Variants in FAM227B observed in about 807,000 individuals in gnomAD.
FAM227B encodes the protein protein FAM227B.
In FAM227B, 88 loss-of-function variants were observed where a neutral mutation model predicts 73.8. The observed-to-expected ratio is 1.19, with a 90% CI of 1.00 to 1.42. The LOEUF (loss-of-function observed/expected upper bound fraction) is 1.42. FAM227B is among the 40% of genes most tolerant of loss of function. FAM227B has a pLI of 0.00. For synonymous variants in FAM227B, 210 were observed against 190.5 expected (o/e 1.10, Z -0.84); for missense variants, 632 against 590.9 (o/e 1.07, Z -0.72).
At chr15:49,589,400 G>C (rs1368097301) in intron 4 of FAM227B, among the ~76,000 whole-genome samples, 1 of 151,938 alleles carries the variant, frequency 6.6e-6, no homozygotes, top group Non-Finnish European at 1.5e-5. Context: ...CTGTTTTAAG[G>C]CTTTGTTTTA....
chr15:49,597,453 A>C (rs2076949107), intron 3 of FAM227B, among the ~76,000 whole-genome samples: 1 of 151,904 alleles, frequency 6.6e-6, no homozygotes, highest in Non-Finnish European at 1.5e-5. Context: ...CAAAACCTCT[A>C]AGGTACAGCA....
chr15:49,358,068 G>C (rs2151375695), intron 13 of FAM227B, among the ~76,000 whole-genome samples: 1 of 152,112 alleles, frequency 6.6e-6, no homozygotes, highest in Middle Eastern at 3.4e-3. Context: ...CAATAAATTA[G>C]GTATTGATGG....
intron 11 of FAM227B, among the ~76,000 whole-genome samples, chr15:49,415,581 T>C (rs1217736149): frequency 6.6e-6 from 1 of 152,172 alleles, no homozygotes; most frequent in African/African-American, 2.4e-5. Context: ...TAAAGTTGTA[T>C]CACAATTCAG....
In FAM227B at chr15:49,433,685, T is replaced by C. The variant is rs149840062; in HGVS notation, c.1013-62286A>G. On this transcript the variant is annotated intron_variant, in intron 11 of 15. Coordinates refer to ENST00000299338, the MANE Select transcript of FAM227B (RefSeq NM_152647.3). ...TGGTTTATTGTAGAGGCCAACTATATAAGCAGACACAGTTACCACTGGTGA... is the reference window on the plus strand; with the variant it reads ...TGGTTTATTGTAGAGGCCAACTATACAAGCAGACACAGTTACCACTGGTGA... Among the ~76,000 whole-genome samples, 808 of 151,748 alleles carry C rather than the reference T, an allele frequency of 5.3e-3. 9 individuals carry two copies. The highest frequency in any genetic ancestry group is 0.019 in the African/African-American group (769 of 41,470).
chr15:49,619,497 T>C (rs935693744), intron 1 of FAM227B, among the ~76,000 whole-genome samples: 1 of 152,194 alleles, frequency 6.6e-6, no homozygotes, highest in African/African-American at 2.4e-5. Context: ...ACCCCGGCCA[T>C]ATAGTTACAG....
At chr15:49,402,971 G>T (rs578086923) in intron 11 of FAM227B, among the ~76,000 whole-genome samples, 1 of 152,290 alleles carries the variant, frequency 6.6e-6, no homozygotes, top group South Asian at 2.1e-4. Context: ...AGTTTATTGA[G>T]AGTTTTTAAC....
At chr15:49,568,134 G>GCTTTCAAAAGT (rs1422875884) in intron 9 of FAM227B, 111 bp downstream of exon 9, 1 of 879,220 alleles carries the variant, frequency 1.1e-6, no homozygotes, top group Non-Finnish European at 1.7e-6. Context: ...CACCAACTTT[G>GCTTTCAAAAGT]CTTTCAAAAG....
chr15:49,334,156 T>C, intron 14 of FAM227B: 8 of 679,004 alleles, frequency 1.2e-5, no homozygotes, highest in Non-Finnish European at 1.5e-5. Flanking sequence ...TTTGTGGTTT[T>C]ATGTAACATC....
chr15:49,373,830 C>T (rs147430566), intron 11 of FAM227B, among the ~76,000 whole-genome samples: 7 of 151,916 alleles, frequency 4.6e-5, no homozygotes, highest in Admixed American at 3.3e-4. Flanking sequence ...AATATTAATA[C>T]AATAATTGAC....
intron 11 of FAM227B, among the ~76,000 whole-genome samples, chr15:49,442,369 G>A (rs1295160515): frequency 6.6e-6 from 1 of 151,568 alleles, no homozygotes; most frequent in Non-Finnish European, 1.5e-5. Context: ...GGCCATTTCA[G>A]TCCACCCCTG....
intron 11 of FAM227B, among the ~76,000 whole-genome samples, chr15:49,379,268 T>G (rs1431991742): frequency 6.6e-6 from 1 of 152,184 alleles, no homozygotes. Flanking sequence ...TAGTTTTCTT[T>G]TTTTGATGTG....
intron 9 of FAM227B, among the ~76,000 whole-genome samples, chr15:49,542,953 G>A (rs554894430): frequency 4.5e-4 from 69 of 152,054 alleles, no homozygotes; most frequent in African/African-American, 1.6e-3. Flanking sequence ...ATTGCAAATT[G>A]TGCTGCTATA....
At chr15:49,331,257 C>A (rs2038681422) in intron 15 of FAM227B, 1 of 153,298 alleles carries the variant, frequency 6.5e-6, no homozygotes, top group African/African-American at 2.4e-5. Flanking sequence ...AGAGAAGAAG[C>A]CCTTCAGACT....
intron 3 of FAM227B, among the ~76,000 whole-genome samples, chr15:49,601,025 G>C (rs1044450481): frequency 6.9e-6 from 1 of 144,266 alleles, no homozygotes; most frequent in East Asian, 2.0e-4. Flanking sequence ...CTGGGTGACA[G>C]AGCAAGACTC....
chr15:49,449,608 C>T (rs1450657972), intron 11 of FAM227B, among the ~76,000 whole-genome samples: 3 of 151,974 alleles, frequency 2.0e-5, no homozygotes, highest in Non-Finnish European at 4.4e-5. Context: ...GCCAAGGTTG[C>T]CTTCCCATTA....
rs758596429 is a variant in FAM227B at position 49,328,486 on chromosome 15, GAATTA to G, written c.*77_*81del. ...AATACTGATTACATGGATTGGACTT[GAATTA>G]AATATATTGTTACAATTAAACTGAT... On this transcript the variant is annotated 3_prime_UTR_variant, in exon 16 of 16. Coordinates refer to ENST00000299338, the MANE Select transcript of FAM227B (RefSeq NM_152647.3). The G allele has an allele frequency of 1.3e-6, 2 of 1,562,330 alleles. No individual in the cohort carries two copies. The highest frequency in any genetic ancestry group is 1.7e-6 in the Non-Finnish European group (2 of 1,152,312).
intron 11 of FAM227B, among the ~76,000 whole-genome samples, chr15:49,402,717 T>C (rs186082894): frequency 8.5e-5 from 13 of 152,310 alleles, no homozygotes; most frequent in Admixed American, 3.3e-4. Context: ...TATAGGATCA[T>C]GTCATCTGCA....
intron 10 of FAM227B, among the ~76,000 whole-genome samples, chr15:49,516,503 G>A (rs1379576798): frequency 6.6e-6 from 1 of 151,968 alleles, no homozygotes; most frequent in Non-Finnish European, 1.5e-5. Context: ...GAAAGGTTTT[G>A]AAATTGCAGA....
In FAM227B at chr15:49,327,969, G is replaced by A; in HGVS notation, c.*599C>T. On this transcript the variant is annotated 3_prime_UTR_variant, in exon 16 of 16. Transcript: ENST00000299338. ...TGTTTTAGGAAGTTTGGGGCTCAAGGGTCACGACTTACTGGAGCAGGATGG... is the reference window on the plus strand; with the variant it reads ...TGTTTTAGGAAGTTTGGGGCTCAAGAGTCACGACTTACTGGAGCAGGATGG... 1 of 1,612,972 alleles carries A rather than the reference G, an allele frequency of 6.2e-7. No individual in the cohort carries two copies. Among genetic ancestry groups the A allele is most frequent in the South Asian group, 1.1e-5 (1 of 90,926 alleles).
Sources: allele counts gnomAD v4.1 joint callset (sites outside exome capture counted in the v4.1 genomes callset), GRCh38; gene constraint gnomAD v4.1.1; transcripts MANE v1.5; gene names NCBI Gene and HGNC (gene_info 2026-07-23, HGNC 2026-07-21).